The following PCCA variants were observed in gnomAD, a reference collection of about 807,000 sequenced individuals.
PCCA encodes the protein propionyl-CoA carboxylase alpha chain, mitochondrial.
Under a neutral mutation model 101.3 loss-of-function variants are expected in PCCA, and 74 were observed. The observed-to-expected ratio is 0.73, with a 90% CI of 0.61 to 0.89. PCCA has a LOEUF of 0.89. PCCA is among the 40% of genes least tolerant of loss of function. PCCA has a pLI of 0.00. For missense variants in PCCA, 891 were observed against 907.0 expected (o/e 0.98, Z 0.23); for synonymous variants, 294 against 313.6 (o/e 0.94, Z 0.66).
At chr13:100,248,251 T>C (rs1176968748) in intron 8 of PCCA, among the ~76,000 whole-genome samples, 2 of 152,194 alleles carry the variant, frequency 1.3e-5, no homozygotes, top group African/African-American at 4.8e-5. Context: ...GTTTTGTTTG[T>C]TCCATTCTTT....
chr13:100,299,508 C>T (rs1321540124), intron 12 of PCCA, among the ~76,000 whole-genome samples: 4 of 152,192 alleles, frequency 2.6e-5, no homozygotes, highest in African/African-American at 9.6e-5. Context: ...CCAACTCCAT[C>T]GTGACCACTT....
At chr13:100,213,734 A>G (rs1255608545) in intron 7 of PCCA, among the ~76,000 whole-genome samples, 1 of 152,012 alleles carries the variant, frequency 6.6e-6, no homozygotes, top group Non-Finnish European at 1.5e-5. Flanking sequence ...TTTTAACTTG[A>G]TGTGACCCCA....
At chr13:100,524,496 G>A (rs902496923) in intron 22 of PCCA, among the ~76,000 whole-genome samples, 1 of 151,736 alleles carries the variant, frequency 6.6e-6, no homozygotes, top group Admixed American at 6.6e-5. Flanking sequence ...CCATCTCTTA[G>A]GGATGAATTA....
At chr13:100,458,485 A>G (rs903146303) in intron 21 of PCCA, among the ~76,000 whole-genome samples, 1 of 133,592 alleles carries the variant, frequency 7.5e-6, no homozygotes, top group South Asian at 2.4e-4. Flanking sequence ...ACACACACAC[A>G]CTAGCGGAGT....
chr13:100,426,742 T>C (rs2079169909), intron 20 of PCCA, among the ~76,000 whole-genome samples: 1 of 152,194 alleles, frequency 6.6e-6, no homozygotes, highest in African/African-American at 2.4e-5. Context: ...GTATATTTTT[T>C]CTCATTTTTT....
At chr13:100,356,786 A>G (rs2074003355) in intron 18 of PCCA, among the ~76,000 whole-genome samples, 3 of 152,334 alleles carry the variant, frequency 2.0e-5, no homozygotes, top group African/African-American at 7.2e-5. Context: ...GGCATTTTTC[A>G]TAATAGCCAG....
chr13:100,527,534 A>G, intron 22 of PCCA, 141 bp from the exon 23 acceptor site: 1 of 701,214 alleles, frequency 1.4e-6, no homozygotes. Context: ...AGCTTGGAAT[A>G]GGAAACATTA....
rs189158381 is a variant in PCCA at position 100,484,520 on chromosome 13, C to T, written c.1900-30907C>T. ...TCCCATTCTAGACTTCTAAACAACA[C>T]GTTCAGGATCTCTGAGATAAAAGCT... On this transcript the variant is annotated intron_variant, in intron 21 of 23. Transcript: ENST00000376285. 5.0e-4 allele frequency among the ~76,000 whole-genome samples: 76 copies of T among 152,272 alleles called. 1 individual carries two copies. In the South Asian group the frequency reaches 0.012, roughly 25 times the overall value.
At chr13:100,223,394 T>G (rs1566740425) in intron 7 of PCCA, among the ~76,000 whole-genome samples, 1 of 152,138 alleles carries the variant, frequency 6.6e-6, no homozygotes, top group Non-Finnish European at 1.5e-5. Flanking sequence ...TCTTGCTGGC[T>G]CAGGAGTGAA....
At chr13:100,207,362 A>T (rs1395562053) in intron 6 of PCCA, among the ~76,000 whole-genome samples, 1 of 151,984 alleles carries the variant, frequency 6.6e-6, no homozygotes, top group Non-Finnish European at 1.5e-5. Flanking sequence ...TCTCTGAATG[A>T]TTTCATTCAC....
At chr13:100,261,106 T>C (rs1455400128) in intron 9 of PCCA, among the ~76,000 whole-genome samples, 1 of 152,118 alleles carries the variant, frequency 6.6e-6, no homozygotes, top group Non-Finnish European at 1.5e-5. Flanking sequence ...CTTTATTAAA[T>C]ATAAAAGGAA....
At chr13:100,378,099 A>T (rs1387482368) in intron 19 of PCCA, among the ~76,000 whole-genome samples, 1 of 151,414 alleles carries the variant, frequency 6.6e-6, no homozygotes, top group African/African-American at 2.5e-5. Context: ...AACATTTCTT[A>T]TAGGGCGGAT....
intron 19 of PCCA, among the ~76,000 whole-genome samples, chr13:100,419,720 A>G (rs1363709160): frequency 6.6e-6 from 1 of 152,246 alleles, no homozygotes; most frequent in Non-Finnish European, 1.5e-5. Context: ...GCGAAGTTAA[A>G]AGGATTAACT....
At position 100,426,990 on chromosome 13, in the gene PCCA, C is replaced by T. The variant is rs187606257; in HGVS notation, c.1845+1259C>T. On this transcript the variant is annotated intron_variant, in intron 20 of 23. Coordinates refer to ENST00000376285, the MANE Select transcript of PCCA (RefSeq NM_000282.4). ...CAGCACTTTGGGAGGCCAAGGCAGG[C>T]GGATCACCTGAGGTGAAGCGTTCCA... Among the ~76,000 whole-genome samples, 505 of 152,202 alleles carry T rather than the reference C, an allele frequency of 3.3e-3. 2 individuals are homozygous for T. The highest frequency in any genetic ancestry group is 0.011 in the African/African-American group (460 of 41,520).
chr13:100,260,263 G>A (rs1294419736), intron 9 of PCCA, among the ~76,000 whole-genome samples: 4 of 152,124 alleles, frequency 2.6e-5, no homozygotes, highest in Non-Finnish European at 5.9e-5. Flanking sequence ...ATGGAGGACT[G>A]AGAAAACCTA....
intron 21 of PCCA, among the ~76,000 whole-genome samples, chr13:100,459,180 C>CTTAA (rs1247851595): frequency 6.6e-6 from 1 of 152,184 alleles, no homozygotes; most frequent in Non-Finnish European, 1.5e-5. Context: ...CACCACCAGT[C>CTTAA]ATCAGATTTA....
chr13:100,226,761 T>G (rs1054107925), intron 7 of PCCA, among the ~76,000 whole-genome samples: 2 of 152,182 alleles, frequency 1.3e-5, no homozygotes, highest in Admixed American at 1.3e-4. Flanking sequence ...CATGGTAGTT[T>G]GGGGTGGCGG....
intron 14 of PCCA, chr13:100,305,668 G>T: frequency 3.8e-6 from 1 of 263,796 alleles, no homozygotes. Context: ...TTTACTAGTT[G>T]CCATTTTGGG....
chr13:100,487,362 C>T (rs2084467823), intron 21 of PCCA, among the ~76,000 whole-genome samples: 1 of 152,104 alleles, frequency 6.6e-6, no homozygotes, highest in Admixed American at 6.6e-5. Flanking sequence ...CCCAGAAAAA[C>T]TGGGAAAAAC....
Sources: gnomAD v4.1 joint callset for allele counts (sites outside exome capture counted in the v4.1 genomes callset) on GRCh38, gnomAD v4.1.1 for gene constraint, MANE v1.5 for transcripts, NCBI Gene and HGNC (gene_info 2026-07-23, HGNC 2026-07-21) for gene names.